Variants in COL28A1 observed in about 807,000 individuals in gnomAD.
COL28A1 encodes collagen type XXVIII alpha 1 chain, also known as collagen alpha-1(XXVIII) chain.
COL28A1 carries 161 observed loss-of-function variants against 150.2 expected under a neutral mutation model. The observed-to-expected ratio is 1.07, with a 90% CI of 0.94 to 1.22. The LOEUF (loss-of-function observed/expected upper bound fraction) is 1.22, where lower values mean the gene tolerates loss of function less well. Among genes scored for constraint, COL28A1 ranks in the 50% most tolerant of loss-of-function variants. The pLI is 0.00. For missense variants in COL28A1, 1,617 were observed against 1,388.3 expected, an observed-to-expected ratio of 1.16 and a Z score of -2.62; for synonymous variants, 552 against 469.7, an observed-to-expected ratio of 1.18 and a Z score of -2.26.
chr7:7,455,824 A>G (rs970620114), intron 16 of COL28A1, among the ~76,000 whole-genome samples: 1 of 152,276 alleles, frequency 6.6e-6, no homozygotes, highest in Admixed American at 6.5e-5. Context: ...CACAGCATCA[A>G]GAAACACACT....
chr7:7,540,408 G>C (rs2115287290), upstream of COL28A1, among the ~76,000 whole-genome samples: 1 of 152,128 alleles, frequency 6.6e-6, no homozygotes, highest in South Asian at 2.1e-4. Context: ...CTTGTATTGG[G>C]GACAAACAAT....
At chr7:7,343,093 G>A in the COL28A1 span, among the ~76,000 whole-genome samples, 2 of 151,572 alleles carry the variant, frequency 1.3e-5, no homozygotes, top group Admixed American at 6.6e-5. Context: ...ACATCTAACC[G>A]CTCCTTCTTA....
At chr7:7,523,579 T>C (rs2115213281) in intron 4 of COL28A1, among the ~76,000 whole-genome samples, 1 of 152,282 alleles carries the variant, frequency 6.6e-6, no homozygotes, top group Admixed American at 6.5e-5. Flanking sequence ...ACAATACTTG[T>C]AAATTTCCTG....
chr7:7,466,290 G>A lies in COL28A1; in HGVS notation c.1302+8311C>T, dbSNP rs1014658325. Among the ~76,000 whole-genome samples the A allele has an allele frequency of 4.2e-5, 6 of 142,166 alleles. No individual in the cohort carries two copies. In the East Asian group the frequency reaches 6.3e-4, roughly 15 times the overall value. 93.3% of individuals were successfully genotyped at this position (142,166 alleles called of 152,430 possible). On this transcript the variant is annotated intron_variant, in intron 15 of 34. Transcript: ENST00000399429. ...CTGATGGAGCTGAAAACCAAGGCTC[G>A]AGAACTACGTGAAGAATGCAGAAGC...
intron 32 of COL28A1, among the ~76,000 whole-genome samples, chr7:7,372,024 G>C (rs1376298769): frequency 6.6e-6 from 1 of 151,864 alleles, no homozygotes; most frequent in Non-Finnish European, 1.5e-5. Flanking sequence ...GTAGAGACGA[G>C]GTTTCACCAT....
At chr7:7,505,510 T>C (rs1441386159) in intron 11 of COL28A1, among the ~76,000 whole-genome samples, 1 of 152,206 alleles carries the variant, frequency 6.6e-6, no homozygotes, top group Non-Finnish European at 1.5e-5. Flanking sequence ...AACCCCTCCC[T>C]ATTTGTCTTG....
intron 15 of COL28A1, among the ~76,000 whole-genome samples, chr7:7,472,089 G>A (rs1399938159): frequency 6.6e-6 from 1 of 152,146 alleles, no homozygotes; most frequent in Non-Finnish European, 1.5e-5. Context: ...AAAGCTGAAA[G>A]CATTCCCTCT....
chr7:7,507,580 G>A lies in COL28A1; in HGVS notation c.928-419C>T, dbSNP rs548559327. ...TTTGCTCATCTTCAAAACACTGAAC[G>A]TGGCAAAACACTGTTTATATTCAAT... On this transcript the variant is annotated intron_variant, in intron 9 of 34. Coordinates refer to ENST00000399429, the MANE Select transcript of COL28A1 (RefSeq NM_001037763.3). 4.6e-5 allele frequency among the ~76,000 whole-genome samples: 7 copies of A among 152,190 alleles called. No individual in the cohort carries two copies. The East Asian group carries it at 1.2e-3, about 25-fold the overall frequency.
intron 18 of COL28A1, among the ~76,000 whole-genome samples, chr7:7,451,866 T>C (rs755674883): frequency 1.1e-4 from 17 of 152,312 alleles, no homozygotes; most frequent in Admixed American, 7.2e-4. Context: ...ATCTTATATA[T>C]TCTTCTAATA....
intron 27 of COL28A1, among the ~76,000 whole-genome samples, chr7:7,390,731 T>C (rs1315724529): frequency 6.6e-6 from 1 of 152,230 alleles, no homozygotes; most frequent in Non-Finnish European, 1.5e-5. Flanking sequence ...AGTGTGTATG[T>C]GTCCAGGAAC....
chr7:7,350,008 C>G, the COL28A1 span, among the ~76,000 whole-genome samples: 1 of 152,054 alleles, frequency 6.6e-6, no homozygotes, highest in Non-Finnish European at 1.5e-5. Flanking sequence ...CAGAGAGGTC[C>G]TGAAAAACCT....
downstream of COL28A1, chr7:7,356,267 T>C (rs1780350939): frequency 1.3e-5 from 2 of 152,258 alleles, no homozygotes; most frequent in Non-Finnish European, 1.5e-5. Flanking sequence ...TAGAGATATA[T>C]AGAGTTTTAC....
At chr7:7,440,523 G>A (rs558095259) in intron 21 of COL28A1, among the ~76,000 whole-genome samples, 2 of 152,140 alleles carry the variant, frequency 1.3e-5, no homozygotes, top group African/African-American at 2.4e-5. Context: ...CCCAACTTCT[G>A]AATATTTGGT....
chr7:7,422,262 C>T (rs536278259), intron 25 of COL28A1, among the ~76,000 whole-genome samples: 1 of 152,304 alleles, frequency 6.6e-6, no homozygotes, highest in Non-Finnish European at 1.5e-5. Flanking sequence ...CCCCAACCCA[C>T]CCCAGATTTG....
At chr7:7,454,385 T>C (rs1289013872) in intron 16 of COL28A1, among the ~76,000 whole-genome samples, 1 of 152,222 alleles carries the variant, frequency 6.6e-6, no homozygotes, top group Non-Finnish European at 1.5e-5. Context: ...ATTTATATCA[T>C]TTGTCTTAAA....
rs1317529876 is a variant in COL28A1, at chr7:7,370,636, C to G, written c.3066+89G>C. The stretch of plus-strand genomic sequence containing the variant: ...AAAAATACACGTGCCTCAGCTGATT[C>G]TTGACAATGCAGGGCAGAATGATCT... On this transcript the variant is annotated intron_variant, in intron 33 of 34. Coordinates refer to ENST00000399429, the MANE Select transcript of COL28A1 (RefSeq NM_001037763.3). The G allele has an allele frequency of 2.4e-5, 26 of 1,086,278 alleles. No individual in the cohort carries two copies. In the East Asian group the frequency reaches 5.8e-4, roughly 24 times the overall value. The allele number at this position is 1,086,278 out of a possible 1,614,324, so 67.3% of individuals were successfully genotyped here.
chr7:7,529,683 G>A (rs1189600249), intron 3 of COL28A1, among the ~76,000 whole-genome samples: 1 of 152,164 alleles, frequency 6.6e-6, no homozygotes, highest in Admixed American at 6.5e-5. Flanking sequence ...GGCCAAACAA[G>A]GAGCTGCCTG....
intron 16 of COL28A1, among the ~76,000 whole-genome samples, chr7:7,455,608 T>A (rs1036858751): frequency 6.6e-6 from 1 of 152,162 alleles, no homozygotes; most frequent in Non-Finnish European, 1.5e-5. Flanking sequence ...AATACTTTTT[T>A]AAAAAATGGA....
At chr7:7,452,586 T>C (rs10486165) in intron 17 of COL28A1, among the ~76,000 whole-genome samples, 199 bp from the exon 18 acceptor site, 20,351 of 152,276 alleles carry the variant, frequency 0.13, 1,457 homozygotes, top group Middle Eastern at 0.22. Context: ...ACATAATGTT[T>C]GATGTATATA....
Sources: gnomAD v4.1 joint callset for allele counts (sites outside exome capture counted in the v4.1 genomes callset) on GRCh38, gnomAD v4.1.1 for gene constraint, MANE v1.5 for transcripts, NCBI Gene and HGNC (gene_info 2026-07-23, HGNC 2026-07-21) for gene names.